The following CNTNAP2 variants were observed in gnomAD, a reference collection of about 807,000 sequenced individuals.
CNTNAP2 encodes contactin associated protein 2.
In CNTNAP2, 98 loss-of-function variants were observed where a neutral mutation model predicts 155.2. The ratio of observed to expected loss-of-function variants is 0.63; its 90% confidence interval spans 0.54 to 0.75. The LOEUF (loss-of-function observed/expected upper bound fraction) is 0.75. Ranked by LOEUF, CNTNAP2 falls within the 30% of genes least tolerant of loss-of-function variation. CNTNAP2 has a pLI of 0.00. For missense variants in CNTNAP2, 1,727 were observed against 1,688.1 expected (o/e 1.02, Z -0.40); for synonymous variants, 651 against 631.2 (o/e 1.03, Z -0.47).
chr7:146,368,663 C>T (rs1315462390), intron 1 of CNTNAP2, among the ~76,000 whole-genome samples: 5 of 152,062 alleles, frequency 3.3e-5, no homozygotes, highest in African/African-American at 7.2e-5. Flanking sequence ...AGATGCACCA[C>T]GGTTCATTCA....
At chr7:147,172,183 T>C (rs1223710775) in intron 8 of CNTNAP2, among the ~76,000 whole-genome samples, 1 of 152,218 alleles carries the variant, frequency 6.6e-6, no homozygotes, top group Non-Finnish European at 1.5e-5. Context: ...ATAATAGCTT[T>C]ATTTTTGTTA....
At chr7:147,300,627 C>T (rs1794930858) in intron 9 of CNTNAP2, among the ~76,000 whole-genome samples, 1 of 152,168 alleles carries the variant, frequency 6.6e-6, no homozygotes, top group Non-Finnish European at 1.5e-5. Flanking sequence ...TTATTCAAAC[C>T]TTAGTGTCTT....
chr7:147,482,206 G>A (rs1364548124), intron 10 of CNTNAP2, among the ~76,000 whole-genome samples: 2 of 152,060 alleles, frequency 1.3e-5, no homozygotes, highest in Admixed American at 6.6e-5. Flanking sequence ...TTGGACATAG[G>A]TTACTAGTTC....
chr7:147,233,614 G>A lies in CNTNAP2; in HGVS notation c.1349-66527G>A, dbSNP rs149721399. On this transcript the variant is annotated intron_variant, in intron 8 of 23. Coordinates refer to ENST00000361727, the MANE Select transcript of CNTNAP2 (RefSeq NM_014141.6). ...AAAAAAAATGCAACAAAAATTAATA[G>A]AGACAGTTGACTACTGGTCACACTC... 5.2e-3 allele frequency among the ~76,000 whole-genome samples: 766 copies of A among 148,654 alleles called. 7 individuals are homozygous for A. The highest frequency in any genetic ancestry group is 0.018 in the African/African-American group (726 of 40,636).
intron 14 of CNTNAP2, among the ~76,000 whole-genome samples, chr7:147,918,725 T>A (rs2248328): frequency 0.67 from 102,090 of 152,028 alleles, 35,811 homozygotes; most frequent in African/African-American, 0.86. Flanking sequence ...GCAGGAGGAA[T>A]AATTCTAAAG....
intron 1 of CNTNAP2, among the ~76,000 whole-genome samples, chr7:146,572,809 C>G (rs1051794015): frequency 1.3e-5 from 2 of 151,842 alleles, no homozygotes; most frequent in Non-Finnish European, 2.9e-5. Context: ...TGACCTTGGA[C>G]AAAAGTAACG....
intron 1 of CNTNAP2, among the ~76,000 whole-genome samples, chr7:146,361,029 A>T (rs1017578682): frequency 1.3e-5 from 2 of 152,316 alleles, no homozygotes; most frequent in Admixed American, 6.5e-5. Flanking sequence ...TTAGTACCCT[A>T]TGTTAATTGC....
intron 20 of CNTNAP2, among the ~76,000 whole-genome samples, chr7:148,254,356 G>A (rs1299920684): frequency 1.3e-5 from 2 of 152,020 alleles, no homozygotes; most frequent in South Asian, 2.1e-4. Flanking sequence ...CCCCGAAAAC[G>A]TGCTCAACAA....
intron 14 of CNTNAP2, among the ~76,000 whole-genome samples, chr7:147,907,032 G>GC (rs1195819408): frequency 2.0e-5 from 3 of 152,016 alleles, no homozygotes; most frequent in Non-Finnish European, 4.4e-5. Context: ...AGGCACTATA[G>GC]CTTGAGCAAA....
At chr7:146,376,424 C>T (rs536806781) in intron 1 of CNTNAP2, among the ~76,000 whole-genome samples, 4 of 152,036 alleles carry the variant, frequency 2.6e-5, no homozygotes, top group East Asian at 1.9e-4. Context: ...TATTTCTCAT[C>T]GAAAGCAAAC....
intron 15 of CNTNAP2, among the ~76,000 whole-genome samples, chr7:148,106,940 G>A (rs576904330): frequency 6.6e-5 from 10 of 152,064 alleles, no homozygotes; most frequent in East Asian, 3.9e-4. Context: ...TCACGTCTCC[G>A]CTTCTAGTTA....
intron 1 of CNTNAP2, among the ~76,000 whole-genome samples, chr7:146,148,636 A>T (rs1797989478): frequency 6.6e-6 from 1 of 152,202 alleles, no homozygotes; most frequent in Non-Finnish European, 1.5e-5. Context: ...ATGCACATGA[A>T]TAATAAAGTT....
chr7:147,811,253 C>T (rs1328248088), intron 13 of CNTNAP2, among the ~76,000 whole-genome samples: 2 of 152,140 alleles, frequency 1.3e-5, no homozygotes, highest in African/African-American at 2.4e-5. Context: ...TGCAACCACG[C>T]TCAGCTGATT....
chr7:147,754,606 G>A (rs1425211797), intron 13 of CNTNAP2, among the ~76,000 whole-genome samples: 1 of 152,164 alleles, frequency 6.6e-6, no homozygotes, highest in Non-Finnish European at 1.5e-5. Context: ...TTAGACATTA[G>A]GGGATGTTTG....
At chr7:147,469,533 C>T (rs6967948) in intron 10 of CNTNAP2, among the ~76,000 whole-genome samples, 35,764 of 55,932 alleles carry the variant, frequency 0.64, 10,683 homozygotes, top group East Asian at 0.71. Context: ...TTTTTTTTTT[C>T]TGTGAGACAA....
At chr7:146,429,580 T>C (rs1446501066) in intron 1 of CNTNAP2, among the ~76,000 whole-genome samples, 1 of 152,186 alleles carries the variant, frequency 6.6e-6, no homozygotes, top group Non-Finnish European at 1.5e-5. Flanking sequence ...TGATTTTGTA[T>C]CCTGAGACTT....
At chr7:146,656,081 G>A (rs527666082) in intron 1 of CNTNAP2, among the ~76,000 whole-genome samples, 3 of 152,298 alleles carry the variant, frequency 2.0e-5, no homozygotes, top group South Asian at 4.1e-4. Context: ...TTACTATCCC[G>A]TGCTAAAGAC....
intron 9 of CNTNAP2, among the ~76,000 whole-genome samples, chr7:147,340,666 A>C (rs1186208002): frequency 1.3e-5 from 2 of 152,154 alleles, no homozygotes; most frequent in Non-Finnish European, 2.9e-5. Flanking sequence ...TATGTCCTAA[A>C]AACAGTGACA....
intron 11 of CNTNAP2, among the ~76,000 whole-genome samples, chr7:147,531,867 T>C (rs1005089912): frequency 4.6e-5 from 7 of 150,578 alleles, no homozygotes; most frequent in African/African-American, 1.7e-4. Flanking sequence ...AATGCAGTGG[T>C]GTGATCTCAG....
Sources: gnomAD v4.1 joint callset for allele counts (sites outside exome capture counted in the v4.1 genomes callset) on GRCh38, gnomAD v4.1.1 for gene constraint, MANE v1.5 for transcripts, NCBI Gene and HGNC (gene_info 2026-07-23, HGNC 2026-07-21) for gene names.